The following PRSS23 variants were observed in gnomAD, a reference collection of about 807,000 sequenced individuals.
PRSS23 encodes serine protease 23.
PRSS23 carries 25 observed loss-of-function variants against 34.7 expected under a neutral mutation model. That is an observed-to-expected ratio of 0.72 (90% CI 0.53 to 1.01). PRSS23 has a LOEUF of 1.01. PRSS23 is among the 50% of genes least tolerant of loss of function. The pLI, the probability that PRSS23 is intolerant of heterozygous loss-of-function variation, is 0.00. For synonymous variants in PRSS23, 176 were observed against 186.6 expected (o/e 0.94, Z 0.46); for missense variants, 445 against 475.6 (o/e 0.94, Z 0.60).
rs375844971 is a variant in PRSS23 at position 86,879,491 on chromosome 11, G to A, written c.206+55898G>A. Among the ~76,000 whole-genome samples the A allele has an allele frequency of 7.2e-3, 900 of 125,836 alleles. 1 individual carries two copies. Among genetic ancestry groups the A allele is most frequent in the South Asian group, 0.024 (86 of 3,528 alleles). 82.6% of individuals were successfully genotyped at this position (125,836 alleles called of 152,430 possible). ...GCCAGGCCAGCCGCCCCGTCCGGGA[G>A]GGAGGTGGGGGGATCAGCCCCCCAC... On this transcript the variant is annotated intron_variant, in intron 2 of 2. Transcript: ENST00000533902.
intron 1 of PRSS23, among the ~76,000 whole-genome samples, chr11:86,806,298 G>A (rs1057311168): frequency 1.3e-5 from 2 of 152,122 alleles, no homozygotes; most frequent in African/African-American, 4.8e-5. Flanking sequence ...CCTTCCCTAA[G>A]TATCCCCTTC....
At chr11:86,903,898 A>G (rs992093333) in intron 2 of PRSS23, among the ~76,000 whole-genome samples, 1 of 152,234 alleles carries the variant, frequency 6.6e-6, no homozygotes, top group African/African-American at 2.4e-5. Context: ...ATTAAGATAG[A>G]TAAAGTGTGT....
intron 2 of PRSS23, among the ~76,000 whole-genome samples, chr11:86,858,152 G>C (rs575142888): frequency 6.6e-6 from 1 of 152,002 alleles, no homozygotes; most frequent in Admixed American, 6.6e-5. Flanking sequence ...AATATCCAGT[G>C]GGGGAGAGAA....
At chr11:86,849,283 T>C (rs146096382) in intron 2 of PRSS23, among the ~76,000 whole-genome samples, 3 of 152,340 alleles carry the variant, frequency 2.0e-5, no homozygotes, top group Non-Finnish European at 4.4e-5. Flanking sequence ...CCAGCTGCAA[T>C]TGGGAGACTT....
At chr11:86,923,909 T>C (rs555248173) in intron 2 of PRSS23, among the ~76,000 whole-genome samples, 1 of 152,312 alleles carries the variant, frequency 6.6e-6, no homozygotes, top group South Asian at 2.1e-4. Context: ...TCAATGTGGG[T>C]GCTTTGGCTT....
At chr11:86,888,243 C>G (rs1175780333) in intron 2 of PRSS23, among the ~76,000 whole-genome samples, 3 of 152,010 alleles carry the variant, frequency 2.0e-5, no homozygotes, top group Non-Finnish European at 4.4e-5. Context: ...GATAACAAAC[C>G]TCTATGCAGT....
chr11:86,907,524 T>C (rs931350324), intron 2 of PRSS23, among the ~76,000 whole-genome samples: 31 of 152,156 alleles, frequency 2.0e-4, no homozygotes, highest in African/African-American at 7.2e-4. Flanking sequence ...TAGAGCACAC[T>C]GTGCCATCAT....
chr11:86,868,895 T>G (rs1201709863), intron 2 of PRSS23, among the ~76,000 whole-genome samples: 1 of 152,172 alleles, frequency 6.6e-6, no homozygotes, highest in Non-Finnish European at 1.5e-5. Context: ...CACTGCAGCC[T>G]CAACCTCCCA....
intron 1 of PRSS23, among the ~76,000 whole-genome samples, chr11:86,804,146 C>G (rs1260887384): frequency 6.6e-6 from 1 of 152,022 alleles, no homozygotes; most frequent in Non-Finnish European, 1.5e-5. Context: ...TCTAAAGCAC[C>G]CTAAATAAAC....
intron 2 of PRSS23, among the ~76,000 whole-genome samples, chr11:86,841,404 C>G (rs1217974609): frequency 7.0e-6 from 1 of 142,204 alleles, no homozygotes; most frequent in Non-Finnish European, 1.6e-5. Context: ...AGCAAAGAAA[C>G]TCAAAAGCTA....
chr11:86,800,750 A>G (rs918280646), intron 1 of PRSS23, 99 bp downstream of exon 1: 40 of 702,296 alleles, frequency 5.7e-5, no homozygotes, highest in Non-Finnish European at 6.5e-5. Context: ...GGGTAGGGTA[A>G]CTGCGGGCTG....
At chr11:86,951,035 T>C in intron 2 of PRSS23, 1 of 1,208,602 alleles carries the variant, frequency 8.3e-7, no homozygotes. Context: ...TAATTGTTGC[T>C]AGTTTGTTCA....
chr11:86,832,866 T>G (rs1948371036), intron 2 of PRSS23: 2 of 321,246 alleles, frequency 6.2e-6, no homozygotes, highest in Admixed American at 8.6e-5. Context: ...TACATGACTA[T>G]GTTATTGGTG....
At chr11:86,855,489 A>G (rs571885720) in intron 2 of PRSS23, among the ~76,000 whole-genome samples, 1 of 151,990 alleles carries the variant, frequency 6.6e-6, no homozygotes, top group Admixed American at 6.6e-5. Flanking sequence ...CTCCACCTTC[A>G]TGAGATTTCT....
At chr11:86,856,251 A>G (rs12795324) in intron 2 of PRSS23, among the ~76,000 whole-genome samples, 10,510 of 152,092 alleles carry the variant, frequency 0.069, 455 homozygotes, top group East Asian at 0.16. Context: ...TCATATTACA[A>G]TTAACTTCTG....
intron 2 of PRSS23, among the ~76,000 whole-genome samples, chr11:86,855,929 T>C (rs2134925496): frequency 6.6e-6 from 1 of 152,384 alleles, no homozygotes; most frequent in South Asian, 2.1e-4. Flanking sequence ...GAGGATTTTA[T>C]TCATTTTTAG....
Position 86,858,400 on chromosome 11 carries a change from C to G in PRSS23, c.206+34807C>G, listed in dbSNP as rs1329627546. Among the ~76,000 whole-genome samples, 5 of 151,562 alleles carry G rather than the reference C, an allele frequency of 3.3e-5. No individual in the cohort carries two copies. In the South Asian group the frequency reaches 8.4e-4, roughly 25 times the overall value. The stretch of plus-strand genomic sequence containing the variant: ...CAGGGAGGGAGAGGATGTTATTACT[C>G]CCAATACCGATGGGGGTGCACACAA... On this transcript the variant is annotated intron_variant, in intron 2 of 2. Coordinates refer to the PRSS23 transcript ENST00000533902.
At chr11:86,916,320 G>C (rs1400838509) in intron 2 of PRSS23, among the ~76,000 whole-genome samples, 1 of 152,080 alleles carries the variant, frequency 6.6e-6, no homozygotes, top group Non-Finnish European at 1.5e-5. Flanking sequence ...ATTTTAATTG[G>C]AGATAATAAA....
At chr11:86,797,930 C>A (rs942359199), upstream of PRSS23, among the ~76,000 whole-genome samples, 1 of 152,120 alleles carries the variant, frequency 6.6e-6, no homozygotes, top group Admixed American at 6.5e-5. Context: ...GGATTGGTAC[C>A]CCATAGTCAG....
Sources: allele counts gnomAD v4.1 joint callset (sites outside exome capture counted in the v4.1 genomes callset), GRCh38; gene constraint gnomAD v4.1.1; transcripts MANE v1.5; gene names NCBI Gene and HGNC (gene_info 2026-07-23, HGNC 2026-07-21).